Variants in LGSN observed in about 807,000 individuals in gnomAD.
LGSN encodes lengsin, lens protein with glutamine synthetase domain, also known as lengsin.
A neutral mutation model predicts 19.5 loss-of-function variants in LGSN; 21 were observed. That is an observed-to-expected ratio of 1.07 (90% CI 0.76 to 1.55). The LOEUF (loss-of-function observed/expected upper bound fraction) is 1.55. Among genes scored for constraint, LGSN ranks in the 40% most tolerant of loss-of-function variants. The pLI is 0.00. For synonymous variants in LGSN, 257 were observed against 215.6 expected, an observed-to-expected ratio of 1.19 and a Z score of -1.68; for missense variants, 673 against 608.5, an observed-to-expected ratio of 1.11 and a Z score of -1.12.
the LGSN span, among the ~76,000 whole-genome samples, chr6:63,342,071 T>A: frequency 2.2e-4 from 34 of 152,298 alleles, 1 homozygote; most frequent in Admixed American, 2.1e-3. Flanking sequence ...TCACAAGACA[T>A]GGTGTCCCAT....
the LGSN span, among the ~76,000 whole-genome samples, chr6:63,531,526 T>G: frequency 2.7e-5 from 4 of 150,120 alleles, no homozygotes; most frequent in Admixed American, 6.6e-5. Context: ...TTTTTTTTTT[T>G]TTTTTTGTAA....
chr6:63,479,783 T>C, the LGSN span, among the ~76,000 whole-genome samples: 2 of 152,096 alleles, frequency 1.3e-5, no homozygotes, highest in Non-Finnish European at 2.9e-5. Flanking sequence ...TTTGAACTCC[T>C]CATTTTATAG....
intron 1 of LGSN, among the ~76,000 whole-genome samples, chr6:63,319,547 A>G (rs1002270752): frequency 3.3e-5 from 5 of 152,328 alleles, no homozygotes; most frequent in African/African-American, 1.2e-4. Context: ...CTCAAAGCAT[A>G]TTTATTAGAA....
the LGSN span, among the ~76,000 whole-genome samples, chr6:63,526,405 C>A: frequency 2.6e-5 from 4 of 152,012 alleles, no homozygotes; most frequent in Non-Finnish European, 5.9e-5. Context: ...ATTCTATTAT[C>A]AAAAATGAAG....
At chr6:63,551,285 C>T in the LGSN span, among the ~76,000 whole-genome samples, 6 of 152,010 alleles carry the variant, frequency 3.9e-5, no homozygotes, top group Admixed American at 2.0e-4. Context: ...AGGCTGGTCT[C>T]GAATTCCTGA....
chr6:63,507,549 T>A, the LGSN span, among the ~76,000 whole-genome samples: 20 of 152,162 alleles, frequency 1.3e-4, no homozygotes, highest in Admixed American at 4.6e-4. Flanking sequence ...TGTTCCACAA[T>A]CAGGAACAGT....
the LGSN span, among the ~76,000 whole-genome samples, chr6:63,554,324 A>T: frequency 6.6e-6 from 1 of 152,186 alleles, no homozygotes; most frequent in South Asian, 2.1e-4. Flanking sequence ...TTATCATAAT[A>T]CTGGGAGTAT....
the LGSN span, among the ~76,000 whole-genome samples, chr6:63,561,287 T>G: frequency 6.6e-6 from 1 of 152,186 alleles, no homozygotes; most frequent in Admixed American, 6.5e-5. Flanking sequence ...GGGAGTAATA[T>G]CAATCTGGAG....
At chr6:63,412,718 G>A in the LGSN span, among the ~76,000 whole-genome samples, 245 of 54,740 alleles carry the variant, frequency 4.5e-3, 8 homozygotes, top group African/African-American at 0.026. Flanking sequence ...AGGGAAGGAA[G>A]GAAAGAAAGA....
chr6:63,552,345 T>C, the LGSN span, among the ~76,000 whole-genome samples: 1 of 152,350 alleles, frequency 6.6e-6, no homozygotes, highest in East Asian at 1.9e-4. Context: ...TTGAGAAGTG[T>C]CTGTTCATGT....
chr6:63,444,804 T>G, the LGSN span, among the ~76,000 whole-genome samples: 1 of 152,192 alleles, frequency 6.6e-6, no homozygotes, highest in Middle Eastern at 3.2e-3. Context: ...ACAAAAATAC[T>G]TAGATGGAGC....
At position 63,278,077 on chromosome 6, in the gene LGSN, GAAAAAA is replaced by G. The variant is rs1186120618; in HGVS notation, c.*1938_*1943del. ...GGTGACAAAGCGAGACTCCATCTCGGAAAAAAAAAAAAAATACAAGAAAAGAAAAGA... is the reference window on the plus strand; with the variant it reads ...GGTGACAAAGCGAGACTCCATCTCGGAAAAAAAATACAAGAAAAGAAAAGA... On this transcript the variant is annotated 3_prime_UTR_variant, in exon 4 of 4. Transcript: ENST00000370657. The G allele has an allele frequency of 3.9e-5, 5 of 129,742 alleles. No individual in the cohort carries two copies. Among genetic ancestry groups the G allele is most frequent in the South Asian group, 4.9e-4 (2 of 4,072 alleles). The allele number at this position is 129,742 out of a possible 1,614,324, so 8.0% of individuals were successfully genotyped here. A position where few individuals can be genotyped will look rare whatever the true frequency, so the allele number is the denominator to read the frequency against.
At chr6:63,419,987 T>G in the LGSN span, among the ~76,000 whole-genome samples, 3 of 127,794 alleles carry the variant, frequency 2.3e-5, no homozygotes, top group African/African-American at 5.9e-5. Flanking sequence ...AGGCGGATAA[T>G]GAGGTCAGAA....
the LGSN span, among the ~76,000 whole-genome samples, chr6:63,338,731 GT>G: frequency 6.6e-6 from 1 of 151,708 alleles, no homozygotes; most frequent in Non-Finnish European, 1.5e-5. Context: ...CTAATTTTGG[GT>G]TTGGTTTGTT....
At chr6:63,356,131 A>C in the LGSN span, among the ~76,000 whole-genome samples, 1 of 152,194 alleles carries the variant, frequency 6.6e-6, no homozygotes, top group Admixed American at 6.5e-5. Flanking sequence ...TCTTGACTAC[A>C]TCTGCAAACA....
At chr6:63,510,299 C>A in the LGSN span, among the ~76,000 whole-genome samples, 5 of 152,212 alleles carry the variant, frequency 3.3e-5, no homozygotes, top group African/African-American at 7.2e-5. Flanking sequence ...GCACTTTAGC[C>A]CCACTCTGTG....
At chr6:63,297,074 G>A (rs1768002016) in intron 1 of LGSN, among the ~76,000 whole-genome samples, 1 of 152,044 alleles carries the variant, frequency 6.6e-6, no homozygotes, top group Admixed American at 6.6e-5. Context: ...AGGCGCGGTG[G>A]CTCACACATG....
rs1332671476 is a variant in LGSN at position 63,295,037 on chromosome 6, T to C, written c.39A>G (p.Thr13=). 5.0e-6 allele frequency: 8 copies of C among 1,612,328 alleles called. No individual in the cohort carries two copies. Among genetic ancestry groups the C allele is most frequent in the South Asian group, 1.1e-5 (1 of 90,928 alleles). Reference sequence around the variant, plus strand: ...CTTCAGTCTCATTGCCTTCATCTCTTGTTGAGTCCTGTTGATAATTAATAA... The same window carrying C: ...CTTCAGTCTCATTGCCTTCATCTCTCGTTGAGTCCTGTTGATAATTAATAA... ...NEEDLLQEDS[T]RDEGNETEAN... is the part of the protein sequence containing the mutation. The change falls in exon 2 of 4, where the codon ACA becomes ACG. Residue 13 remains threonine (T), a synonymous_variant. Transcript: ENST00000370657.
At chr6:63,468,714 C>T in the LGSN span, among the ~76,000 whole-genome samples, 1 of 152,152 alleles carries the variant, frequency 6.6e-6, no homozygotes, top group Non-Finnish European at 1.5e-5. Flanking sequence ...AGGCATGAGT[C>T]ACTGCACCCG....
Sources: allele counts gnomAD v4.1 joint callset (sites outside exome capture counted in the v4.1 genomes callset), GRCh38; gene constraint gnomAD v4.1.1; transcripts MANE v1.5; gene names NCBI Gene and HGNC (gene_info 2026-07-23, HGNC 2026-07-21).